The following TBC1D32 variants were observed in gnomAD, a reference collection of about 807,000 sequenced individuals.
TBC1D32 encodes protein broad-minded.
Under a neutral mutation model 170.3 loss-of-function variants are expected in TBC1D32, and 151 were observed. The ratio of observed to expected loss-of-function variants is 0.89; its 90% CI spans 0.78 to 1.01. The LOEUF (loss-of-function observed/expected upper bound fraction) is 1.01. Ranked by LOEUF, TBC1D32 falls within the 50% of genes least tolerant of loss-of-function variation. The pLI is 0.00. For synonymous variants in TBC1D32, 498 were observed against 488.0 expected (o/e 1.02, Z -0.27); for missense variants, 1,464 against 1,457.1 (o/e 1.00, Z -0.08).
chr6:121,180,289 A>T (rs1300175135), intron 22 of TBC1D32, among the ~76,000 whole-genome samples: 2 of 152,212 alleles, frequency 1.3e-5, no homozygotes, highest in Admixed American at 6.6e-5. Flanking sequence ...ATTTTTGAAA[A>T]GACCAAAGCA....
chr6:121,094,244 T>C (rs1282790651), intron 30 of TBC1D32, among the ~76,000 whole-genome samples: 1 of 151,974 alleles, frequency 6.6e-6, no homozygotes, highest in African/African-American at 2.4e-5. Context: ...CTCAGCTCAC[T>C]GCAACCTCTG....
At chr6:121,105,300 G>A (rs938743771) in intron 30 of TBC1D32, among the ~76,000 whole-genome samples, 2 of 151,834 alleles carry the variant, frequency 1.3e-5, no homozygotes, top group Admixed American at 6.6e-5. Flanking sequence ...CTTCATTTCC[G>A]TTAGGAGAAT....
At chr6:121,205,843 C>T (rs1792180371) in intron 21 of TBC1D32, among the ~76,000 whole-genome samples, 2 of 152,148 alleles carry the variant, frequency 1.3e-5, no homozygotes, top group African/African-American at 4.8e-5. Context: ...ATACACAGAA[C>T]CTGATGATCT....
At chr6:121,273,409 A>C (rs747258382) in intron 15 of TBC1D32, among the ~76,000 whole-genome samples, 1 of 151,264 alleles carries the variant, frequency 6.6e-6, no homozygotes, top group East Asian at 2.0e-4. Flanking sequence ...CAAACACTGC[A>C]TGTTCTCACT....
At chr6:121,140,805 T>C (rs1314858853) in intron 24 of TBC1D32, among the ~76,000 whole-genome samples, 1 of 152,152 alleles carries the variant, frequency 6.6e-6, no homozygotes, top group African/African-American at 2.4e-5. Context: ...TAAAGGTGTC[T>C]ACTTCATGAA....
intron 15 of TBC1D32, among the ~76,000 whole-genome samples, chr6:121,278,224 G>C (rs778132476): frequency 1.3e-4 from 19 of 151,980 alleles, no homozygotes; most frequent in Non-Finnish European, 2.5e-4. Context: ...TCCTCCAGAA[G>C]ATAGAAAGAA....
At chr6:121,152,575 G>A (rs139927074) in intron 24 of TBC1D32, among the ~76,000 whole-genome samples, 58 of 152,192 alleles carry the variant, frequency 3.8e-4, no homozygotes, top group East Asian at 3.1e-3. Context: ...GGTTCTCCTC[G>A]GTAATATCCT....
At chr6:121,121,471 T>C (rs1780257706) in intron 26 of TBC1D32, among the ~76,000 whole-genome samples, 1 of 152,088 alleles carries the variant, frequency 6.6e-6, no homozygotes, top group Non-Finnish European at 1.5e-5. Flanking sequence ...CAGTAGTATA[T>C]GCTAACTCTA....
intron 20 of TBC1D32, among the ~76,000 whole-genome samples, chr6:121,232,401 G>A (rs1278708495): frequency 1.3e-5 from 2 of 152,022 alleles, no homozygotes; most frequent in East Asian, 3.9e-4. Context: ...CTTTGGCTAT[G>A]CGGGCTCTTT....
At chr6:121,231,565 G>T (rs1388441818) in intron 20 of TBC1D32, among the ~76,000 whole-genome samples, 1 of 151,924 alleles carries the variant, frequency 6.6e-6, no homozygotes, top group Non-Finnish European at 1.5e-5. Flanking sequence ...CCTTTTCACT[G>T]CATCCACGCC....
intron 2 of TBC1D32, among the ~76,000 whole-genome samples, chr6:121,318,996 A>T (rs943978243): frequency 6.7e-6 from 1 of 150,304 alleles, no homozygotes; most frequent in East Asian, 1.9e-4. Context: ...GATTTTATAT[A>T]AAAAGTATAA....
At chr6:121,232,968 A>C (rs374419790) in intron 20 of TBC1D32, among the ~76,000 whole-genome samples, 1 of 152,110 alleles carries the variant, frequency 6.6e-6, no homozygotes, top group East Asian at 1.9e-4. Flanking sequence ...TGTTGGTCCA[A>C]TGATCACTTA....
chr6:121,131,235 T>C (rs563765229), intron 25 of TBC1D32, among the ~76,000 whole-genome samples: 172 of 152,032 alleles, frequency 1.1e-3, no homozygotes, highest in African/African-American at 3.7e-3. Flanking sequence ...CAAAATTTCC[T>C]TAGGAGTCAC....
chr6:121,106,241 T>C, intron 29 of TBC1D32, 78 bp from the exon 30 acceptor site: 1 of 898,594 alleles, frequency 1.1e-6, no homozygotes, highest in Non-Finnish European at 1.4e-6. Flanking sequence ...TAATCCAACA[T>C]ACCTATTTTC....
At position 121,170,689 on chromosome 6, in the gene TBC1D32, A is replaced by C. The variant is rs186261063; in HGVS notation, c.2571-9633T>G. 4.1e-4 allele frequency among the ~76,000 whole-genome samples: 62 copies of C among 152,212 alleles called. No individual in the cohort carries two copies. In the East Asian group the frequency reaches 7.5e-3, roughly 18 times the overall value. On this transcript the variant is annotated intron_variant, in intron 22 of 31. Transcript: ENST00000398212. ...ATATTTTTAATAAATTAGAATAGTAATCTCCTCTTCAAAAGTTGTTCTGAG... is the reference window on the plus strand; with the variant it reads ...ATATTTTTAATAAATTAGAATAGTACTCTCCTCTTCAAAAGTTGTTCTGAG...
intron 17 of TBC1D32, among the ~76,000 whole-genome samples, chr6:121,250,825 T>C (rs2128384006): frequency 6.6e-6 from 1 of 152,302 alleles, no homozygotes; most frequent in East Asian, 1.9e-4. Flanking sequence ...ATTATATATT[T>C]AGAAAACTCC....
chr6:121,229,176 G>A lies in TBC1D32; in HGVS notation c.2365-5824C>T, dbSNP rs182248880. Among the ~76,000 whole-genome samples, 9 of 151,930 alleles carry A rather than the reference G, an allele frequency of 5.9e-5. No individual in the cohort carries two copies. The East Asian group carries it at 9.7e-4, about 16-fold the overall frequency. On this transcript the variant is annotated intron_variant, in intron 20 of 31. Transcript: ENST00000398212. ...CCTTCTCTGTGCCTACAATTACCTC[G>A]CCTGCCCTCCCTCCATAACACCCAG...
chr6:121,125,172 G>A (rs749420659), intron 26 of TBC1D32, among the ~76,000 whole-genome samples: 2 of 152,130 alleles, frequency 1.3e-5, no homozygotes, highest in Admixed American at 6.5e-5. Flanking sequence ...TATCTTTCTA[G>A]AGGGCCTTCC....
At position 121,160,395 on chromosome 6, in the gene TBC1D32, G is replaced by A. The variant is rs147121775; in HGVS notation, c.2680-292C>T. ...TTTACTGTGTTTTTTTTCATAAAAG[G>A]AAAATTGTAATCTTCAAAAGAAACC... is the stretch of plus-strand genomic sequence containing the variant. On this transcript the variant is annotated intron_variant, in intron 23 of 31. Transcript: ENST00000398212. Among the ~76,000 whole-genome samples, 1,283 of 151,984 alleles carry A rather than the reference G, an allele frequency of 8.4e-3. 10 individuals are homozygous for A. Among genetic ancestry groups the A allele is most frequent in the South Asian group, 0.041 (196 of 4,810 alleles).
Sources: gnomAD v4.1 joint callset for allele counts (sites outside exome capture counted in the v4.1 genomes callset) on GRCh38, gnomAD v4.1.1 for gene constraint, MANE v1.5 for transcripts, NCBI Gene and HGNC (gene_info 2026-07-23, HGNC 2026-07-21) for gene names.